The following TRRAP variants were observed in gnomAD, a reference collection of about 807,000 sequenced individuals.
TRRAP encodes the protein transformation/transcription domain associated protein.
A neutral mutation model predicts 438.8 loss-of-function variants in TRRAP; 41 were observed. That is an observed-to-expected ratio of 0.09 (90% CI 0.07 to 0.12). The LOEUF (loss-of-function observed/expected upper bound fraction) is 0.12, where lower values mean the gene tolerates loss of function less well. TRRAP is among the 10% of genes least tolerant of loss of function. The pLI, the probability that TRRAP is intolerant of heterozygous loss-of-function variation, is 1.00. For missense variants in TRRAP, 3,122 were observed against 5,055.1 expected (o/e 0.62, Z 11.60); for synonymous variants, 1,994 against 1,962.9 (o/e 1.02, Z -0.42).
chr7:98,950,379 A>G (rs1791280363), intron 38 of TRRAP, 117 bp downstream of exon 38: 1 of 1,228,656 alleles, frequency 8.1e-7, no homozygotes, highest in African/African-American at 1.5e-5. Context: ...AGAGTGAGCC[A>G]GGTGCTGTGG....
In TRRAP at chr7:98,959,381, A is replaced by T. The variant is rs1309674034; in HGVS notation, c.6380A>T (p.Glu2127Val). The change falls in exon 45 of 73, where the codon GAG becomes GTG. Residue 2127 changes from glutamate (E) to valine (V), a missense_variant. Glu to Val is a moderately radical substitution (Grantham distance 121). This residue lies in a region of TRRAP where 992 missense variants were observed against 1,281.2 expected (regional missense o/e 0.77). Transcript: ENST00000456197. Reference sequence around the variant, plus strand: ...ACCAACACAGCGGGGTCCCCTGGGGAGGTGCTCTCTCGCCGGTGTGTGAAC... The same window carrying T: ...ACCAACACAGCGGGGTCCCCTGGGGTGGTGCTCTCTCGCCGGTGTGTGAAC... Reference protein sequence around the residue: ...DNTNTAGSPGEVLSRRCVNLL... With the variant: ...DNTNTAGSPGVVLSRRCVNLL... 6.2e-7 allele frequency: 1 copy of T among 1,613,748 alleles called. No homozygotes were observed. Among genetic ancestry groups the T allele is most frequent in the Non-Finnish European group, 8.5e-7 (1 of 1,179,972 alleles).
At chr7:99,008,606 C>A in intron 70 of TRRAP, 45 bp downstream of exon 70, 1 of 1,601,060 alleles carries the variant, frequency 6.2e-7, no homozygotes, top group Non-Finnish European at 8.5e-7. Context: ...GCCTGCAGCC[C>A]TCCTGTGTGG....
chr7:98,981,876 G>A lies in TRRAP; in HGVS notation c.8742G>A (p.Leu2914=). 2.5e-6 allele frequency: 4 copies of A among 1,609,516 alleles called. No individual in the cohort carries two copies. The highest frequency in any genetic ancestry group is 3.4e-6 in the Non-Finnish European group (4 of 1,178,664). ...AGCAGCTCAGCTTCATCGAGCGCCT[G>A]GTGGAGATGGCCAGCAGCCTGGCCA... ...EEQQLSFIER[L]VEMASSLAIR... Residue 2914 remains leucine (L), a synonymous_variant, in exon 59 of 73, where the codon CTG becomes CTA. Transcript: ENST00000456197.
chr7:98,935,460 A>T (rs1448681600), intron 27 of TRRAP, 119 bp from the exon 28 acceptor site: 9 of 776,244 alleles, frequency 1.2e-5, no homozygotes, highest in Non-Finnish European at 1.7e-5. Context: ...ATTTGAGCTT[A>T]GTTTGTCAGT....
chr7:98,913,639 A>G (rs782699892), intron 18 of TRRAP, among the ~76,000 whole-genome samples: 3 of 152,158 alleles, frequency 2.0e-5, no homozygotes, highest in Non-Finnish European at 2.9e-5. Context: ...CAATATGTAA[A>G]TGACACATTT....
At chr7:98,983,194 C>A in intron 59 of TRRAP, 70 bp from the exon 60 acceptor site, 1 of 1,400,618 alleles carries the variant, frequency 7.1e-7, no homozygotes, top group Admixed American at 2.3e-5. Flanking sequence ...CCCCAATGGA[C>A]TCTGGTGTGT....
chr7:98,941,072 TG>T (rs1447850785), intron 30 of TRRAP, among the ~76,000 whole-genome samples: 4 of 152,232 alleles, frequency 2.6e-5, no homozygotes, highest in Admixed American at 2.6e-4. Context: ...TTTTTGTATA[TG>T]GCATTAGATA....
intron 27 of TRRAP, 142 bp downstream of exon 27, chr7:98,933,544 G>A: frequency 8.6e-7 from 1 of 1,169,162 alleles, no homozygotes. Flanking sequence ...ACCTGGCACA[G>A]CAACCTGAGC....
intron 67 of TRRAP, among the ~76,000 whole-genome samples, chr7:99,003,202 G>A (rs1011245490): frequency 1.3e-5 from 2 of 152,182 alleles, no homozygotes; most frequent in Non-Finnish European, 2.9e-5. Context: ...ACTGGCGCTC[G>A]TCTGGGAGGA....
In TRRAP at chr7:98,983,535, TTTTGGTTTGG is replaced by T. The variant is rs755279128; in HGVS notation, c.9022+90_9022+99del. 3 of 1,556,062 alleles carry T rather than the reference TTTTGGTTTGG, an allele frequency of 1.9e-6. No individual in the cohort carries two copies. In the African/African-American group the frequency reaches 4.1e-5, roughly 21 times the overall value. On this transcript the variant is annotated intron_variant, in intron 60 of 72. Transcript: ENST00000456197. ...CCACGGTTCTGGTTTCGTCTCTGTG[TTTTGGTTTGG>T]TTTGGTTTGGTTTTTTTTTCCCCCA...
Position 98,915,676 on chromosome 7 carries a change from C to G in TRRAP, c.2200-47C>G, listed in dbSNP as rs1435151013. On this transcript the variant is annotated intron_variant, in intron 18 of 72. Transcript: ENST00000456197. Reference sequence around the variant, plus strand: ...CACTTTAGAGTCTGGAGGGTATAGACCCTCCTCATTTAGATGCCACTAATC... The same window carrying G: ...CACTTTAGAGTCTGGAGGGTATAGAGCCTCCTCATTTAGATGCCACTAATC... 6.9e-6 allele frequency: 11 copies of G among 1,594,526 alleles called. No homozygotes were observed. In the African/African-American group the frequency reaches 9.4e-5, roughly 14 times the overall value.
Position 98,890,466 on chromosome 7 carries a change from G to A in TRRAP, c.261+21G>A, listed in dbSNP as rs1554404657. ...CACAGGTAATGTAAAAAAATAACATGAGAAGACAAGGGTGCTGTGGGATTG... is the reference window on the plus strand; with the variant it reads ...CACAGGTAATGTAAAAAAATAACATAAGAAGACAAGGGTGCTGTGGGATTG... On this transcript the variant is annotated intron_variant, in intron 4 of 72. Coordinates refer to ENST00000456197, the MANE Select transcript of TRRAP (RefSeq NM_001375524.1). 2.0e-6 allele frequency: 3 copies of A among 1,526,992 alleles called. No individual in the cohort carries two copies. In the East Asian group the frequency reaches 7.0e-5, roughly 36 times the overall value. 94.6% of individuals were successfully genotyped at this position (1,526,992 alleles called of 1,614,324 possible). A position where few individuals can be genotyped will look rare whatever the true frequency, so the allele number is the denominator to read the frequency against.
In TRRAP at chr7:98,958,241, A is replaced by G. The variant is rs961447922; in HGVS notation, c.6342+150A>G. 38 of 641,886 alleles carry G rather than the reference A, an allele frequency of 5.9e-5. 1 individual carries two copies. The highest frequency in any genetic ancestry group is 1.9e-4 in the Admixed American group (6 of 31,014). The allele number at this position is 641,886 out of a possible 1,614,324, so 39.8% of individuals were successfully genotyped here. On this transcript the variant is annotated intron_variant, in intron 44 of 72. Transcript: ENST00000456197. ...GTTCTGTCATTTTCGTATCAACTGC[A>G]CTTGATTTTGTGGCAGGTTAACATT... is the stretch of plus-strand genomic sequence containing the variant.
intron 60 of TRRAP, 61 bp downstream of exon 60, chr7:98,983,520 G>T: frequency 6.3e-7 from 1 of 1,586,692 alleles, no homozygotes; most frequent in Non-Finnish European, 8.6e-7. Context: ...CCACGGTTCT[G>T]GTTTCGTCTC....
intron 13 of TRRAP, among the ~76,000 whole-genome samples, chr7:98,906,694 C>T (rs1436762476): frequency 1.3e-5 from 2 of 151,928 alleles, no homozygotes; most frequent in African/African-American, 4.8e-5. Context: ...CAGCCTCCCA[C>T]AGTGCTGGGA....
chr7:98,916,060 A>G (rs1417848796), intron 19 of TRRAP, among the ~76,000 whole-genome samples, 172 bp downstream of exon 19: 4 of 143,388 alleles, frequency 2.8e-5, no homozygotes, highest in Non-Finnish European at 6.0e-5. Flanking sequence ...CTGGTCATCT[A>G]CTGGGACTTT....
intron 67 of TRRAP, chr7:98,999,452 G>T: frequency 1.2e-6 from 1 of 864,892 alleles, no homozygotes; most frequent in Non-Finnish European, 2.0e-6. Flanking sequence ...GGAGGGGCTT[G>T]AGCTATCCTT....
intron 38 of TRRAP, 116 bp downstream of exon 38, chr7:98,950,378 C>A: frequency 1.6e-6 from 2 of 1,235,296 alleles, no homozygotes; most frequent in Middle Eastern, 2.7e-4. Context: ...TAGAGTGAGC[C>A]AGGTGCTGTG....
chr7:98,924,665 G>T lies in TRRAP; in HGVS notation c.2824-447G>T, dbSNP rs374383369. 1.5e-3 allele frequency among the ~76,000 whole-genome samples: 211 copies of T among 142,680 alleles called. 1 individual carries two copies. The highest frequency in any genetic ancestry group is 5.3e-3 in the African/African-American group (203 of 38,076). The allele number at this position is 142,680 out of a possible 152,430, so 93.6% of individuals were successfully genotyped here. On this transcript the variant is annotated intron_variant, in intron 21 of 72. Coordinates refer to ENST00000456197, the MANE Select transcript of TRRAP (RefSeq NM_001375524.1). ...GATGGCACCACTGCACTCCAGCCTG[G>T]GCGACAGAGCAAGACTCCGTCTCAA...
Sources: gnomAD v4.1 joint callset for allele counts (sites outside exome capture counted in the v4.1 genomes callset) on GRCh38, gnomAD v4.1.1 for gene constraint, gnomAD v4.1.1 regional missense constraint, MANE v1.5 for transcripts, NCBI Gene and HGNC (gene_info 2026-07-23, HGNC 2026-07-21) for gene names.